Variants in TLL1 observed in about 807,000 individuals in gnomAD.
TLL1 encodes tolloid-like protein 1.
Under a neutral mutation model 128.2 loss-of-function variants are expected in TLL1, and 49 were observed. The ratio of observed to expected loss-of-function variants is 0.38; its 90% CI spans 0.30 to 0.48. The LOEUF is 0.48. TLL1 is among the 20% of genes least tolerant of loss of function. The probability of loss-of-function intolerance (pLI) is 0.96; values close to 1 mark genes in which losing one functional copy is unlikely to be tolerated. For synonymous variants in TLL1, 454 were observed against 418.8 expected, an observed-to-expected ratio of 1.08 and a Z score of -1.03; for missense variants, 1,123 against 1,242.0, an observed-to-expected ratio of 0.90 and a Z score of 1.44.
At chr4:166,074,142 G>A (rs369531934) in intron 16 of TLL1, among the ~76,000 whole-genome samples, 5 of 152,120 alleles carry the variant, frequency 3.3e-5, no homozygotes, top group Admixed American at 6.6e-5. Flanking sequence ...CTTGGGGCTC[G>A]TATTTCCTAG....
chr4:166,088,764 G>C (rs1741631578), intron 18 of TLL1, among the ~76,000 whole-genome samples: 1 of 152,094 alleles, frequency 6.6e-6, no homozygotes, highest in African/African-American at 2.4e-5. Flanking sequence ...TAGCCAGTTG[G>C]CACCAGACCA....
intron 1 of TLL1, among the ~76,000 whole-genome samples, chr4:165,957,957 G>A (rs573605865): frequency 4.7e-5 from 7 of 148,154 alleles, no homozygotes; most frequent in South Asian, 2.2e-4. Context: ...GAGAACATGC[G>A]GTGTTTGGTT....
intron 15 of TLL1, among the ~76,000 whole-genome samples, chr4:166,061,050 AT>A (rs1299451275): frequency 6.6e-6 from 1 of 152,146 alleles, no homozygotes; most frequent in African/African-American, 2.4e-5. Context: ...CCCACAAAAA[AT>A]ATTTTGTCTT....
At chr4:165,921,539 C>T (rs1251055343) in intron 1 of TLL1, among the ~76,000 whole-genome samples, 1 of 152,128 alleles carries the variant, frequency 6.6e-6, no homozygotes, top group East Asian at 1.9e-4. Flanking sequence ...TTCTGTTTAT[C>T]TCCTGACCAT....
chr4:166,008,020 A>G lies in TLL1; in HGVS notation c.889A>G (p.Met297Val), dbSNP rs1162324089. 4 of 1,609,604 alleles carry G rather than the reference A, an allele frequency of 2.5e-6. No homozygotes were observed. Among genetic ancestry groups the G allele is most frequent in the Non-Finnish European group, 3.4e-6 (4 of 1,176,774 alleles). The change falls in exon 7 of 21, where the codon ATG becomes GTG. Residue 297 changes from methionine (M) to valine (V), a missense_variant. This residue lies in a region of TLL1 where 480 missense variants were observed against 542.4 expected (regional missense o/e 0.89). Coordinates refer to ENST00000061240, the MANE Select transcript of TLL1 (RefSeq NM_012464.5). ...LGERYDFDSI[M>V]HYARNTFSRG... ...AGAAAGATATGATTTCGACAGTATC[A>G]TGCACTATGCCAGGAACACCTTCTC...
intron 5 of TLL1, among the ~76,000 whole-genome samples, chr4:166,000,942 G>A (rs986362086): frequency 6.6e-6 from 1 of 151,944 alleles, no homozygotes; most frequent in Admixed American, 6.6e-5. Flanking sequence ...TGTAAATGAT[G>A]AGTACAAATT....
At position 166,099,486 on chromosome 4, in the gene TLL1, G is replaced by C; in HGVS notation, c.2866G>C (p.Asp956His). 1 of 1,613,476 alleles carries C rather than the reference G, an allele frequency of 6.2e-7. No individual in the cohort carries two copies. Residue 956 changes from aspartate (D) to histidine (H), a missense_variant, in exon 20 of 21, where the codon GAT becomes CAT. Asp to His is a moderately conservative substitution (Grantham distance 81). Coordinates refer to ENST00000061240, the MANE Select transcript of TLL1 (RefSeq NM_012464.5). Reference protein sequence around the residue: ...YDYVELFDGLDSTAVGLGRFC... With the variant: ...YDYVELFDGLHSTAVGLGRFC... ...CTATGTGGAGCTCTTTGATGGTCTT[G>C]ATTCAACAGCTGTGGGGCTTGGTCG...
chr4:166,070,415 A>G lies in TLL1; in HGVS notation c.2189-4463A>G, dbSNP rs557473813. ...TTTATTATTTGGGAATAATATAACAATGACTTCAGGCAATGAGAGTTGAGC... is the reference window on the plus strand; with the variant it reads ...TTTATTATTTGGGAATAATATAACAGTGACTTCAGGCAATGAGAGTTGAGC... On this transcript the variant is annotated intron_variant, in intron 16 of 20. Coordinates refer to ENST00000061240, the MANE Select transcript of TLL1 (RefSeq NM_012464.5). Among the ~76,000 whole-genome samples the G allele has an allele frequency of 1.8e-4, 28 of 152,110 alleles. 2 individuals are homozygous for G. The South Asian group carries it at 5.4e-3, about 29-fold the overall frequency.
At chr4:165,904,806 A>G (rs978732828) in intron 1 of TLL1, among the ~76,000 whole-genome samples, 2 of 152,238 alleles carry the variant, frequency 1.3e-5, no homozygotes, top group African/African-American at 2.4e-5. Flanking sequence ...TCAAAATCTA[A>G]TAAGAAAACT....
rs112131964 is a variant in TLL1, at chr4:165,944,129, G to T, written c.170-45252G>T. Among the ~76,000 whole-genome samples the T allele has an allele frequency of 5.2e-3, 785 of 152,188 alleles. 10 individuals carry two copies. The highest frequency in any genetic ancestry group is 0.017 in the African/African-American group (725 of 41,542). ...GGTTTTAAGCTATGTCCGATGAAAA[G>T]ATTTTTTAAAATGTACTGTATTAAA... On this transcript the variant is annotated intron_variant, in intron 1 of 20. Coordinates refer to ENST00000061240, the MANE Select transcript of TLL1 (RefSeq NM_012464.5).
chr4:165,963,540 T>C (rs571697201), intron 1 of TLL1, among the ~76,000 whole-genome samples: 38 of 152,292 alleles, frequency 2.5e-4, no homozygotes, highest in Middle Eastern at 6.8e-3. Context: ...AGCTCAGATA[T>C]GTTGAACTTA....
At chr4:165,881,936 G>A (rs954992679) in intron 1 of TLL1, among the ~76,000 whole-genome samples, 2 of 152,084 alleles carry the variant, frequency 1.3e-5, no homozygotes, top group South Asian at 2.1e-4. Context: ...AAATTTACTC[G>A]GAGTATTCAT....
At chr4:165,913,972 C>CA (rs1309766228) in intron 1 of TLL1, among the ~76,000 whole-genome samples, 2 of 151,906 alleles carry the variant, frequency 1.3e-5, no homozygotes, top group Non-Finnish European at 2.9e-5. Flanking sequence ...GCCATGATGG[C>CA]ACCTGCACTC....
intron 10 of TLL1, among the ~76,000 whole-genome samples, chr4:166,039,802 TTG>T (rs1363608945): frequency 6.6e-6 from 1 of 152,168 alleles, no homozygotes; most frequent in Non-Finnish European, 1.5e-5. Flanking sequence ...GGTGTTCATG[TTG>T]TGTGTTTGTG....
Position 165,989,019 on chromosome 4 carries a change from G to A in TLL1, c.170-362G>A, listed in dbSNP as rs147616512. 6.9e-3 allele frequency among the ~76,000 whole-genome samples: 1,043 copies of A among 152,172 alleles called. 9 individuals carry two copies. The highest frequency in any genetic ancestry group is 0.023 in the African/African-American group (972 of 41,546). The stretch of plus-strand genomic sequence containing the variant: ...TCCTCTCAGTGAAGACCTGCTGCTG[G>A]TCATAAGAATCCACAGAAGATGCAG... On this transcript the variant is annotated intron_variant, in intron 1 of 20. Coordinates refer to ENST00000061240, the MANE Select transcript of TLL1 (RefSeq NM_012464.5).
At chr4:166,056,872 C>T (rs1038992324) in intron 13 of TLL1, among the ~76,000 whole-genome samples, 2 of 152,066 alleles carry the variant, frequency 1.3e-5, no homozygotes, top group African/African-American at 4.8e-5. Flanking sequence ...CCATCAGGGG[C>T]TTATACGTTG....
chr4:165,884,027 A>G (rs764936778), intron 1 of TLL1, among the ~76,000 whole-genome samples: 3 of 152,224 alleles, frequency 2.0e-5, no homozygotes, highest in Non-Finnish European at 2.9e-5. Flanking sequence ...GATATTCACA[A>G]TCTATGTTTA....
intron 6 of TLL1, among the ~76,000 whole-genome samples, chr4:166,004,432 C>T (rs938198922): frequency 8.6e-5 from 13 of 152,024 alleles, no homozygotes; most frequent in African/African-American, 2.2e-4. Context: ...CAATGTTAGG[C>T]GTTGAAGATA....
At position 166,043,447 on chromosome 4, in the gene TLL1, C is replaced by A. The variant is rs200990439; in HGVS notation, c.1524+28C>A. Reference sequence around the variant, plus strand: ...AAAGTCTTTTAGGCTATCTTCCTGGCAAATATTCTCCATAAACGACAATGG... The same window carrying A: ...AAAGTCTTTTAGGCTATCTTCCTGGAAAATATTCTCCATAAACGACAATGG... On this transcript the variant is annotated intron_variant, in intron 12 of 20. Transcript: ENST00000061240. 2.1e-4 allele frequency: 341 copies of A among 1,611,434 alleles called. 1 individual carries two copies. The highest frequency in any genetic ancestry group is 1.3e-3 in the South Asian group (116 of 91,032).
Sources: gnomAD v4.1 joint callset for allele counts (sites outside exome capture counted in the v4.1 genomes callset) on GRCh38, gnomAD v4.1.1 for gene constraint, gnomAD v4.1.1 regional missense constraint, MANE v1.5 for transcripts, NCBI Gene and HGNC (gene_info 2026-07-23, HGNC 2026-07-21) for gene names.